KLRG1: variants seen among roughly 807,000 people sequenced by gnomAD.
KLRG1 encodes the protein killer cell lectin-like receptor subfamily G member 1.
In KLRG1, 16 loss-of-function variants were observed where a neutral mutation model predicts 21.8. That is an observed-to-expected ratio of 0.73 (90% confidence interval 0.50 to 1.11). KLRG1 has a LOEUF of 1.11. Ranked by LOEUF, KLRG1 falls within the 50% of genes most tolerant of loss-of-function variation. The pLI is 0.00. For synonymous variants in KLRG1, 69 were observed against 75.9 expected (o/e 0.91, Z 0.47); for missense variants, 173 against 218.3 (o/e 0.79, Z 1.31).
chr12:9,110,009 T>C, the KLRG1 span: 6 of 1,613,000 alleles, frequency 3.7e-6, no homozygotes, highest in African/African-American at 4.0e-5. Context: ...AACTCTGCCA[T>C]TGTGCGATGC....
At chr12:9,085,914 A>G in the KLRG1 span, among the ~76,000 whole-genome samples, 1 of 152,228 alleles carries the variant, frequency 6.6e-6, no homozygotes, top group Non-Finnish European at 1.5e-5. Flanking sequence ...ATGCATTCCT[A>G]GACATATACA....
chr12:9,055,631 G>A, the KLRG1 span: 1 of 152,620 alleles, frequency 6.6e-6, no homozygotes, highest in Admixed American at 6.5e-5. Context: ...ACCTCATTCA[G>A]TATCTGTATT....
the KLRG1 span, chr12:9,091,126 G>T: frequency 6.6e-7 from 1 of 1,504,090 alleles, no homozygotes; most frequent in Non-Finnish European, 9.2e-7. Flanking sequence ...ACAAGAGTTT[G>T]CAGTATTCCT....
At chr12:9,120,596 C>G in the KLRG1 span, among the ~76,000 whole-genome samples, 2 of 152,276 alleles carry the variant, frequency 1.3e-5, no homozygotes, top group South Asian at 2.1e-4. Context: ...CGCACATTGT[C>G]CTTGAAAAGA....
chr12:9,160,205 G>A, the KLRG1 span: 1 of 1,201,628 alleles, frequency 8.3e-7, no homozygotes. Flanking sequence ...GAAGATTGTT[G>A]TTTTCATAAA....
chr12:9,131,632 C>T, the KLRG1 span, among the ~76,000 whole-genome samples: 2 of 151,808 alleles, frequency 1.3e-5, no homozygotes, highest in Non-Finnish European at 1.5e-5. Flanking sequence ...ATTCCCAGTG[C>T]CTAGAACAGT....
the KLRG1 span, chr12:9,072,483 A>T: frequency 1.2e-6 from 2 of 1,611,430 alleles, no homozygotes; most frequent in East Asian, 2.2e-5. Flanking sequence ...TATTTCAAGG[A>T]TGTCTATAGA....
At chr12:9,113,313 C>T in the KLRG1 span, 21 of 1,595,138 alleles carry the variant, frequency 1.3e-5, no homozygotes, top group East Asian at 4.0e-4. Context: ...ATCCCTATGA[C>T]CCTGACTAAA....
chr12:9,183,106 TA>T, the KLRG1 span, among the ~76,000 whole-genome samples: 2 of 152,246 alleles, frequency 1.3e-5, no homozygotes, highest in African/African-American at 4.8e-5. Context: ...TAATTGATTT[TA>T]TTTTTTTCTT....
the KLRG1 span, chr12:9,091,474 A>G: frequency 6.3e-7 from 1 of 1,596,188 alleles, no homozygotes; most frequent in Non-Finnish European, 8.6e-7. Context: ...GCAGTTAAAT[A>G]CATCCTTTCT....
chr12:9,161,022 AG>A, the KLRG1 span: 4 of 1,554,376 alleles, frequency 2.6e-6, no homozygotes, highest in Non-Finnish European at 3.6e-6. Flanking sequence ...ACTAAATGGA[AG>A]GTGACTCACC....
At chr12:9,068,010 G>A in the KLRG1 span, 1 of 962,962 alleles carries the variant, frequency 1.0e-6, no homozygotes, top group Non-Finnish European at 1.6e-6. Flanking sequence ...GACTCTCTGA[G>A]GTTTGACAGA....
At chr12:9,120,658 C>T in the KLRG1 span, among the ~76,000 whole-genome samples, 1 of 152,176 alleles carries the variant, frequency 6.6e-6, no homozygotes, top group African/African-American at 2.4e-5. Context: ...ACAATTTCAT[C>T]TGGTTACATA....
At chr12:9,060,181 TTTTG>T in the KLRG1 span, among the ~76,000 whole-genome samples, 87 of 150,702 alleles carry the variant, frequency 5.8e-4, 1 homozygote, top group African/African-American at 1.7e-3. Context: ...ATTTTTTGTA[TTTTG>T]TTTGTTTGTT....
Position 8,955,375 on chromosome 12 carries a change from ATTTTTTTTTTTTTTTTTTTTTTTTT to A in KLRG1, c.-156+5152_-156+5176del, listed in dbSNP as rs61263683. Among the ~76,000 whole-genome samples the A allele has an allele frequency of 4.2e-4, 30 of 71,300 alleles. 1 individual carries two copies. The highest frequency in any genetic ancestry group is 1.3e-3 in the Admixed American group (8 of 6,048). 46.8% of individuals were successfully genotyped at this position (71,300 alleles called of 152,430 possible). ...AGTCCTAGAGGCAACTATTGCTCTG[ATTTTTTTTTTTTTTTTTTTTTTTTT>A]TTTTTTTTTTTTGAGATAGAGTCTC... On this transcript the variant is annotated intron_variant, in intron 1 of 4. Transcript: ENST00000539240.
At chr12:9,052,705 G>A in the KLRG1 span, 9 of 396,144 alleles carry the variant, frequency 2.3e-5, no homozygotes, top group South Asian at 1.8e-4. Context: ...GGAATGCTTA[G>A]GTTAAAATCT....
the KLRG1 span, chr12:9,095,171 A>C: frequency 1.5e-6 from 1 of 669,476 alleles, no homozygotes; most frequent in South Asian, 3.1e-5. Context: ...TTTGACAAGC[A>C]ATCCAGTTAA....
the KLRG1 span, among the ~76,000 whole-genome samples, chr12:9,084,274 T>C: frequency 6.6e-6 from 1 of 152,172 alleles, no homozygotes; most frequent in Non-Finnish European, 1.5e-5. Context: ...ATAAGTAATA[T>C]AGAGCCATAT....
the KLRG1 span, among the ~76,000 whole-genome samples, chr12:9,142,647 A>G: frequency 2.0e-5 from 3 of 152,220 alleles, no homozygotes; most frequent in Non-Finnish European, 4.4e-5. Flanking sequence ...ATAGCCACAC[A>G]GACAACCAGA....
Sources: gnomAD v4.1 joint callset for allele counts (sites outside exome capture counted in the v4.1 genomes callset) on GRCh38, gnomAD v4.1.1 for gene constraint, MANE v1.5 for transcripts, NCBI Gene and HGNC (gene_info 2026-07-23, HGNC 2026-07-21) for gene names.